Variants in MGAT4C observed in about 807,000 individuals in gnomAD.
MGAT4C encodes the protein alpha-1,3-mannosyl-glycoprotein 4-beta-N-acetylglucosaminyltransferase C.
In MGAT4C, 19 loss-of-function variants were observed where a neutral mutation model predicts 40.1. That is an observed-to-expected ratio of 0.47 (90% CI 0.33 to 0.70). The LOEUF (loss-of-function observed/expected upper bound fraction) is 0.70. Among genes scored for constraint, MGAT4C ranks in the 30% least tolerant of loss-of-function variants. The pLI, the probability that MGAT4C is intolerant of heterozygous loss-of-function variation, is 0.02. For synonymous variants in MGAT4C, 181 were observed against 187.1 expected (o/e 0.97, Z 0.27); for missense variants, 491 against 563.2 (o/e 0.87, Z 1.30).
chr12:86,704,978 T>C (rs1483703271), intron 2 of MGAT4C, among the ~76,000 whole-genome samples: 1 of 152,118 alleles, frequency 6.6e-6, no homozygotes, highest in East Asian at 1.9e-4. Context: ...AATTCATCTT[T>C]GTAGCCTTTT....
chr12:86,335,947 G>A (rs935359794), intron 3 of MGAT4C, among the ~76,000 whole-genome samples: 23 of 152,010 alleles, frequency 1.5e-4, no homozygotes, highest in African/African-American at 5.1e-4. Context: ...TTGCTGAAGC[G>A]TCCCACTGCA....
At chr12:86,585,867 T>C (rs1478359643) in intron 2 of MGAT4C, among the ~76,000 whole-genome samples, 2 of 151,338 alleles carry the variant, frequency 1.3e-5, no homozygotes, top group African/African-American at 2.4e-5. Flanking sequence ...TTATGACTAA[T>C]ACTTTTTAAG....
intron 2 of MGAT4C, among the ~76,000 whole-genome samples, chr12:86,016,626 G>A (rs7975457): frequency 0.45 from 67,778 of 152,006 alleles, 15,936 homozygotes; most frequent in African/African-American, 0.53. Context: ...ACCAATCTGT[G>A]TGTTAGTTCT....
At chr12:86,580,278 G>A (rs770416794) in intron 2 of MGAT4C, among the ~76,000 whole-genome samples, 3 of 151,088 alleles carry the variant, frequency 2.0e-5, no homozygotes, top group South Asian at 2.1e-4. Flanking sequence ...TTTTCTCTAG[G>A]CACTTTTTAA....
intron 2 of MGAT4C, among the ~76,000 whole-genome samples, chr12:86,681,568 G>C (rs1276293802): frequency 1.3e-5 from 2 of 150,784 alleles, no homozygotes; most frequent in Non-Finnish European, 3.0e-5. Context: ...TAGTTGCTTA[G>C]AGCAAAAAGA....
intron 3 of MGAT4C, among the ~76,000 whole-genome samples, chr12:86,426,533 G>A (rs1956929444): frequency 6.6e-6 from 1 of 152,150 alleles, no homozygotes; most frequent in African/African-American, 2.4e-5. Flanking sequence ...AACTTGCTCA[G>A]GCTAATTCAG....
intron 4 of MGAT4C, among the ~76,000 whole-genome samples, chr12:86,275,664 C>T (rs1011720337): frequency 1.3e-5 from 2 of 152,048 alleles, no homozygotes; most frequent in Non-Finnish European, 1.5e-5. Context: ...AGGATTAAAG[C>T]GGAGAGTGGA....
At chr12:86,102,041 G>A (rs2135599552) in intron 1 of MGAT4C, among the ~76,000 whole-genome samples, 1 of 151,930 alleles carries the variant, frequency 6.6e-6, no homozygotes, top group East Asian at 1.9e-4. Flanking sequence ...ACAAATGACA[G>A]AGAAGAGAAA....
intron 2 of MGAT4C, among the ~76,000 whole-genome samples, chr12:86,518,649 G>A (rs1360427729): frequency 6.6e-6 from 1 of 152,134 alleles, no homozygotes; most frequent in Non-Finnish European, 1.5e-5. Context: ...TTTAACATAT[G>A]CTTATAGTAT....
upstream of MGAT4C, among the ~76,000 whole-genome samples, chr12:86,259,143 A>G (rs1952602615): frequency 6.6e-6 from 1 of 152,028 alleles, no homozygotes; most frequent in African/African-American, 2.4e-5. Flanking sequence ...GTGGGGAGAA[A>G]TCATTAGAAA....
intron 1 of MGAT4C, among the ~76,000 whole-genome samples, chr12:86,057,142 G>A (rs1297256951): frequency 6.6e-6 from 1 of 151,732 alleles, no homozygotes; most frequent in South Asian, 2.1e-4. Flanking sequence ...CCATAATAAT[G>A]TATTTCTAAA....
At chr12:86,348,340 C>T (rs1955084811) in intron 3 of MGAT4C, among the ~76,000 whole-genome samples, 1 of 151,936 alleles carries the variant, frequency 6.6e-6, no homozygotes, top group Non-Finnish European at 1.5e-5. Context: ...TTAAGATATT[C>T]TTAGAATCCA....
intron 2 of MGAT4C, among the ~76,000 whole-genome samples, chr12:86,624,680 G>T (rs373095933): frequency 6.6e-6 from 1 of 152,108 alleles, no homozygotes; most frequent in South Asian, 2.1e-4. Flanking sequence ...GGAATCTTTA[G>T]TTTCCCCACA....
intron 3 of MGAT4C, among the ~76,000 whole-genome samples, chr12:86,369,850 T>C (rs1955683552): frequency 6.6e-6 from 1 of 152,028 alleles, no homozygotes; most frequent in African/African-American, 2.4e-5. Context: ...TATAGCATTT[T>C]ATGCTGTTTA....
intron 1 of MGAT4C, among the ~76,000 whole-genome samples, chr12:86,194,701 T>C (rs1949734005): frequency 6.6e-6 from 1 of 152,012 alleles, no homozygotes; most frequent in South Asian, 2.1e-4. Flanking sequence ...TGACCTCAGA[T>C]GATCCATCCG....
chr12:86,779,595 T>G (rs1025375430), intron 1 of MGAT4C, among the ~76,000 whole-genome samples: 2 of 125,718 alleles, frequency 1.6e-5, no homozygotes, highest in Admixed American at 9.5e-5. Flanking sequence ...GAGCAAGAAC[T>G]TGTCTCAAAA....
chr12:86,241,634 T>C (rs1951790130), intron 1 of MGAT4C, among the ~76,000 whole-genome samples: 1 of 152,174 alleles, frequency 6.6e-6, no homozygotes, highest in Admixed American at 6.5e-5. Flanking sequence ...TGGTCTCGCC[T>C]AAGAGGAAAA....
intron 1 of MGAT4C, among the ~76,000 whole-genome samples, chr12:86,764,037 G>A (rs1951453784): frequency 6.6e-6 from 1 of 152,132 alleles, no homozygotes; most frequent in South Asian, 2.1e-4. Context: ...GGTGCACCGT[G>A]CATGAGCCGA....
At chr12:86,395,361 T>G (rs1271669216) in intron 3 of MGAT4C, among the ~76,000 whole-genome samples, 1 of 152,176 alleles carries the variant, frequency 6.6e-6, no homozygotes, top group Non-Finnish European at 1.5e-5. Flanking sequence ...CTTACCATAT[T>G]AGAGCATTCA....
Sources: gnomAD v4.1 joint callset for allele counts (sites outside exome capture counted in the v4.1 genomes callset) on GRCh38, gnomAD v4.1.1 for gene constraint, MANE v1.5 for transcripts, NCBI Gene and HGNC (gene_info 2026-07-23, HGNC 2026-07-21) for gene names.